Variants in CDK5RAP3 observed in about 807,000 individuals in gnomAD.
CDK5RAP3 encodes CDK5 regulatory subunit associated protein 3, also known as CDK5 regulatory subunit-associated protein 3.
A neutral mutation model predicts 73.3 loss-of-function variants in CDK5RAP3; 58 were observed. The observed-to-expected ratio is 0.79, with a 90% CI of 0.64 to 0.98. The LOEUF (loss-of-function observed/expected upper bound fraction) is 0.98. Among genes scored for constraint, CDK5RAP3 ranks in the 50% least tolerant of loss-of-function variants. CDK5RAP3 has a pLI of 0.00. For synonymous variants in CDK5RAP3, 224 were observed against 247.5 expected (o/e 0.91, Z 0.89); for missense variants, 525 against 615.8 (o/e 0.85, Z 1.56).
chr17:47,971,798 T>C (rs2036276639), intron 2 of CDK5RAP3, among the ~76,000 whole-genome samples: 1 of 151,894 alleles, frequency 6.6e-6, no homozygotes, highest in South Asian at 2.1e-4. Context: ...GGAGAAACCT[T>C]GTCTCCATGT....
upstream of CDK5RAP3, among the ~76,000 whole-genome samples, chr17:47,970,217 G>GT (rs1207691119): frequency 6.6e-6 from 1 of 152,058 alleles, no homozygotes; most frequent in Non-Finnish European, 1.5e-5. Context: ...TCCTTAATAA[G>GT]TCTCCCTTTG....
At chr17:47,970,709 C>T (rs1266111510), upstream of CDK5RAP3, 2 of 1,535,596 alleles carry the variant, frequency 1.3e-6, no homozygotes, top group South Asian at 2.4e-5. Context: ...TAAAGCGACG[C>T]AAGGAGGGAA....
Position 47,971,388 on chromosome 17 carries a change from C to G in CDK5RAP3, c.33C>G (p.Ile11Met), listed in dbSNP as rs750476302. 4.3e-6 allele frequency: 7 copies of G among 1,609,606 alleles called. No homozygotes were observed. The highest frequency in any genetic ancestry group is 1.6e-4 in the Middle Eastern group (1 of 6,076). ...ACCATCAGCACGTGCCCATCGACAT[C>G]CAGACCAGCAAGCTGCTCGGTAGGA... MEDHQHVPID[I>M]QTSKLLDWLV... is the part of the protein sequence containing the mutation. Residue 11 changes from isoleucine to methionine, a missense_variant, in exon 2 of 14, where the codon ATC becomes ATG. Transcript: ENST00000338399.
Position 47,976,733 on chromosome 17 carries a change from G to A in CDK5RAP3, c.820G>A (p.Val274Ile), listed in dbSNP as rs919556940. 1.9e-6 allele frequency: 3 copies of A among 1,612,160 alleles called. No homozygotes were observed. The highest frequency in any genetic ancestry group is 2.7e-5 in the African/African-American group (2 of 74,860). The change falls in exon 9 of 14, where the codon GTA becomes ATA. Residue 274 changes from valine to isoleucine, a missense_variant. Val to Ile is a conservative substitution (Grantham distance 29). This residue lies in a region of CDK5RAP3 where 409 missense variants were observed against 429.8 expected (regional missense o/e 0.95). Coordinates refer to ENST00000338399, the MANE Select transcript of CDK5RAP3 (RefSeq NM_176096.3). ...EDAIDWGDFG[V>I]EAVSEGTDSG... ...CCAGATTGACTGGGGCGACTTTGGG[G>A]TAGAGGCAGTGTCTGAGGGGACTGA...
Position 47,971,382 on chromosome 17 carries a change from C to G in CDK5RAP3, c.27C>G (p.Ile9Met), listed in dbSNP as rs767547688. 3 of 1,610,204 alleles carry G rather than the reference C, an allele frequency of 1.9e-6. No individual in the cohort carries two copies. The highest frequency in any genetic ancestry group is 4.5e-5 in the East Asian group (2 of 44,756). MEDHQHVP[I>M]DIQTSKLLDW... ...GCCAGGACCATCAGCACGTGCCCATCGACATCCAGACCAGCAAGCTGCTCG... is the reference window on the plus strand; with the variant it reads ...GCCAGGACCATCAGCACGTGCCCATGGACATCCAGACCAGCAAGCTGCTCG... Residue 9 changes from isoleucine to methionine, a missense_variant, in exon 2 of 14, where the codon ATC becomes ATG. Coordinates refer to ENST00000338399, the MANE Select transcript of CDK5RAP3 (RefSeq NM_176096.3).
rs71377331 is a variant in CDK5RAP3 at position 47,973,880 on chromosome 17, G to A, written c.185-51G>A. The A allele has an allele frequency of 4.7e-3, 6,782 of 1,428,650 alleles. 243 individuals carry two copies. In the African/African-American group the frequency reaches 0.084, roughly 18 times the overall value. 88.5% of individuals were successfully genotyped at this position (1,428,650 alleles called of 1,614,324 possible). On this transcript the variant is annotated intron_variant, in intron 3 of 13. Coordinates refer to ENST00000338399, the MANE Select transcript of CDK5RAP3 (RefSeq NM_176096.3). Reference sequence around the variant, plus strand: ...GAATCAGCCACCTGCAGTGCCCAGAGTAGGTGAAGAAGATACTTTAGTTCT... The same window carrying A: ...GAATCAGCCACCTGCAGTGCCCAGAATAGGTGAAGAAGATACTTTAGTTCT...
chr17:47,969,722 T>C (rs2144204107), upstream of CDK5RAP3, among the ~76,000 whole-genome samples: 1 of 152,250 alleles, frequency 6.6e-6, no homozygotes, highest in African/African-American at 2.4e-5. Context: ...ATTAGCCAGC[T>C]TGTGACTCTC....
chr17:47,976,066 C>T, intron 8 of CDK5RAP3, 53 bp downstream of exon 8: 6 of 1,578,988 alleles, frequency 3.8e-6, no homozygotes, highest in South Asian at 2.3e-5. Flanking sequence ...CTGCTTGTCC[C>T]CTCCCCACCC....
At chr17:47,976,372 A>G (rs1042696489) in intron 8 of CDK5RAP3, 33 of 349,770 alleles carry the variant, frequency 9.4e-5, no homozygotes, top group African/African-American at 5.9e-4. Flanking sequence ...AAATTAATTT[A>G]TTTTTGAGAC....
chr17:47,981,575 G>T lies in CDK5RAP3; in HGVS notation c.*73G>T. ...GATGATAGCCAGGGCTGTTGTTTTG[G>T]GGCCCTTCAAGGCAAAAGACCAGGC... is the stretch of plus-strand genomic sequence containing the variant. On this transcript the variant is annotated 3_prime_UTR_variant, in exon 14 of 14. Coordinates refer to ENST00000338399, the MANE Select transcript of CDK5RAP3 (RefSeq NM_176096.3). 1 of 1,613,194 alleles carries T rather than the reference G, an allele frequency of 6.2e-7. No homozygotes were observed.
chr17:47,971,050 G>A, upstream of CDK5RAP3: 1 of 1,546,856 alleles, frequency 6.5e-7, no homozygotes, highest in Non-Finnish European at 8.7e-7. Flanking sequence ...AAGGATGCCC[G>A]TTTGTGTCTA....
chr17:47,980,262 TTC>T (rs1258326534), intron 11 of CDK5RAP3: 14 of 288,668 alleles, frequency 4.8e-5, no homozygotes, highest in Non-Finnish European at 7.4e-5. Context: ...CCAATTTATC[TTC>T]TTTTTTTCTT....
At chr17:47,968,548 CA>C (rs2036212237), upstream of CDK5RAP3, among the ~76,000 whole-genome samples, 1 of 152,164 alleles carries the variant, frequency 6.6e-6, no homozygotes, top group African/African-American at 2.4e-5. Flanking sequence ...GATGGAGTCT[CA>C]CTCTGTCGCC....
intron 8 of CDK5RAP3, 38 bp from the exon 9 acceptor site, chr17:47,976,674 C>A: frequency 7.0e-7 from 1 of 1,432,158 alleles, no homozygotes; most frequent in Non-Finnish European, 9.8e-7. Flanking sequence ...CTTTTTAAAT[C>A]CATCTTCCAT....
chr17:47,981,592 A>C lies in CDK5RAP3; in HGVS notation c.*90A>C. 14 of 1,610,436 alleles carry C rather than the reference A, an allele frequency of 8.7e-6. No homozygotes were observed. The highest frequency in any genetic ancestry group is 1.2e-5 in the Non-Finnish European group (14 of 1,179,086). ...TTGTTTTGGGGCCCTTCAAGGCAAA[A>C]GACCAGGCTGACTGGAAGATGGAAA... On this transcript the variant is annotated 3_prime_UTR_variant, in exon 14 of 14. Transcript: ENST00000338399.
At chr17:47,976,134 G>A (rs1049382806) in intron 8 of CDK5RAP3, 121 bp downstream of exon 8, 12 of 1,275,430 alleles carry the variant, frequency 9.4e-6, no homozygotes, top group African/African-American at 6.0e-5. Context: ...GAGAGTGACT[G>A]TAGGTAGAAG....
intron 5 of CDK5RAP3, chr17:47,974,941 C>G (rs1340187421): frequency 1.4e-5 from 20 of 1,425,392 alleles, no homozygotes; most frequent in Admixed American, 7.9e-5. Context: ...TGTGGATTCT[C>G]TCTTGCATCT....
At chr17:47,978,223 C>T (rs1386600303) in intron 10 of CDK5RAP3, among the ~76,000 whole-genome samples, 3 of 151,988 alleles carry the variant, frequency 2.0e-5, no homozygotes. Flanking sequence ...GCATGCACCA[C>T]CACGCACAGC....
In CDK5RAP3 at chr17:47,976,769, T is replaced by G; in HGVS notation, c.856T>G (p.Ser286Ala). The G allele has an allele frequency of 6.2e-7, 1 of 1,612,628 alleles. No homozygotes were observed. The highest frequency in any genetic ancestry group is 1.1e-5 in the South Asian group (1 of 90,910). The change falls in exon 9 of 14, where the codon TCT becomes GCT. Residue 286 changes from serine (S) to alanine (A), a missense_variant. Ser to Ala is a moderately conservative substitution (Grantham distance 99). Around this residue, in one of 2 missense-constraint regions of CDK5RAP3, gnomAD observed 409 missense variants for 429.8 expected, o/e 0.95. Coordinates refer to ENST00000338399, the MANE Select transcript of CDK5RAP3 (RefSeq NM_176096.3). ...GTCTGAGGGGACTGACTCTGGCATC[T>G]CTGCCGAGGCTGCTGGAATCGACTG... Reference protein sequence around the residue: ...AVSEGTDSGISAEAAGIDWGI... With the variant: ...AVSEGTDSGIAAEAAGIDWGI...
Sources: allele counts gnomAD v4.1 joint callset (sites outside exome capture counted in the v4.1 genomes callset), GRCh38; gene constraint gnomAD v4.1.1; regional missense constraint gnomAD v4.1.1; transcripts MANE v1.5; gene names NCBI Gene and HGNC (gene_info 2026-07-23, HGNC 2026-07-21).